The following GAB4 variants were observed in gnomAD, a reference collection of about 807,000 sequenced individuals.
The protein encoded by GAB4 is GRB2-associated-binding protein 4.
In GAB4, 26 loss-of-function variants were observed where a neutral mutation model predicts 51.3. The ratio of observed to expected loss-of-function variants is 0.51; its 90% CI spans 0.37 to 0.70. GAB4 has a LOEUF of 0.70. GAB4 is among the 30% of genes least tolerant of loss of function. The pLI is 0.00. For missense variants in GAB4, 759 were observed against 734.6 expected, an observed-to-expected ratio of 1.03 and a Z score of -0.38; for synonymous variants, 329 against 291.2, an observed-to-expected ratio of 1.13 and a Z score of -1.32.
At chr22:17,005,367 G>A (rs1429452764) in intron 1 of GAB4, among the ~76,000 whole-genome samples, 1 of 152,124 alleles carries the variant, frequency 6.6e-6, no homozygotes, top group Non-Finnish European at 1.5e-5. Flanking sequence ...CAAACAAATG[G>A]AAGAACATTC....
chr22:16,964,342 T>C (rs1433564216), intron 8 of GAB4, among the ~76,000 whole-genome samples: 1 of 152,192 alleles, frequency 6.6e-6, no homozygotes, highest in East Asian at 1.9e-4. Context: ...AACTATCAAA[T>C]GTTGGTCATG....
rs191430521 is a variant in GAB4 at position 16,965,255 on chromosome 22, C to A, written c.1302G>T (p.Pro434=). 2.4e-5 allele frequency: 38 copies of A among 1,613,770 alleles called. No homozygotes were observed. The African/African-American group carries it at 4.9e-4, about 21-fold the overall frequency. The change falls in exon 7 of 10, where the codon CCG becomes CCT. Residue 434 remains proline, a synonymous_variant. Coordinates refer to ENST00000400588, the MANE Select transcript of GAB4 (RefSeq NM_001037814.1). ...TGACCCTGTTGTTTCTCAGGTTGGGCGGTGTTGGGTTGGCTGGAGCAGGAA... is the reference window on the plus strand; with the variant it reads ...TGACCCTGTTGTTTCTCAGGTTGGGAGGTGTTGGGTTGGCTGGAGCAGGAA... ...LKPNQKANPT[P]PNLRNNRVIN...
At chr22:16,986,489 C>T (rs1490543613) in intron 3 of GAB4, among the ~76,000 whole-genome samples, 1 of 152,202 alleles carries the variant, frequency 6.6e-6, no homozygotes, top group Non-Finnish European at 1.5e-5. Context: ...GTGTGTTCTG[C>T]CACCTTACAC....
chr22:16,970,563 C>G (rs1216787675), intron 3 of GAB4, among the ~76,000 whole-genome samples: 3 of 152,158 alleles, frequency 2.0e-5, no homozygotes, highest in Non-Finnish European at 2.9e-5. Flanking sequence ...GAGCAGCAAG[C>G]CAGGTACACT....
intron 1 of GAB4, among the ~76,000 whole-genome samples, chr22:17,004,489 G>A (rs1305661873): frequency 7.2e-5 from 11 of 152,258 alleles, no homozygotes; most frequent in East Asian, 1.9e-4. Flanking sequence ...CGATCAAGTC[G>A]ACTTCATTCC....
intron 3 of GAB4, among the ~76,000 whole-genome samples, chr22:16,980,057 G>A (rs187249157): frequency 4.5e-4 from 68 of 151,966 alleles, no homozygotes; most frequent in African/African-American, 1.4e-3. Flanking sequence ...CACAAAAACC[G>A]TGGAAAAAAA....
rs117010706 is a variant in GAB4, at chr22:16,968,901, C to T, written c.938-518G>A. Among the ~76,000 whole-genome samples, 104 of 152,304 alleles carry T rather than the reference C, an allele frequency of 6.8e-4. 1 individual carries two copies. The East Asian group carries it at 9.3e-3, about 14-fold the overall frequency. On this transcript the variant is annotated intron_variant, in intron 4 of 9. Transcript: ENST00000400588. ...GACCTCAGGGTGAGGCTCATCTTTA[C>T]CACTTATGACTTTCAACCCTGAATA...
chr22:16,992,099 A>T lies in GAB4; in HGVS notation c.252T>A (p.Asn84Lys). ...TGCGCAGGGGCTTCTTGGAGCCATC[A>T]TTCTTGTAGTATTCCAGAACATCTG... The part of the protein sequence containing the change: ...SDPDVLEYYK[N>K]DGSKKPLRTI... The change falls in exon 2 of 10, where the codon AAT (asparagine) becomes AAA (lysine). Residue 84 changes from asparagine to lysine, a missense_variant. By Grantham distance (94) the Asn-to-Lys change is moderately conservative (BLOSUM62 0). Transcript: ENST00000400588. The T allele has an allele frequency of 6.2e-7, 1 of 1,614,236 alleles. No individual in the cohort carries two copies. Among genetic ancestry groups the T allele is most frequent in the Non-Finnish European group, 8.5e-7 (1 of 1,180,032 alleles).
At chr22:16,969,551 C>T in intron 4 of GAB4, 1 of 501,744 alleles carries the variant, frequency 2.0e-6, no homozygotes, top group Non-Finnish European at 3.5e-6. Flanking sequence ...GACTAGCTAA[C>T]CACTGAGAAC....
rs1038178360 is a variant in GAB4 at position 16,992,163 on chromosome 22, C to T, written c.188G>A (p.Arg63His). 6.2e-7 allele frequency: 1 copy of T among 1,608,512 alleles called. No individual in the cohort carries two copies. Among genetic ancestry groups the T allele is most frequent in the Non-Finnish European group, 8.5e-7 (1 of 1,175,782 alleles). The change falls in exon 2 of 10, where the codon CGC becomes CAC. Residue 63 changes from arginine (R) to histidine (H), a missense_variant. Physicochemically the swap from Arg to His is conservative, Grantham distance 29 (BLOSUM62 0). Coordinates refer to ENST00000400588, the MANE Select transcript of GAB4 (RefSeq NM_001037814.1). ...CTGGCCCCTCCGCAGGATAAACCAG[C>T]GTTTCCTCCAGGCCTAAGGAAGGAG... ...KKLRLFAWRK[R>H]WFILRRGQTS...
In GAB4 at chr22:16,965,217, G is replaced by A. The variant is rs1477320900; in HGVS notation, c.1340C>T (p.Ser447Phe). 1 of 1,614,090 alleles carries A rather than the reference G, an allele frequency of 6.2e-7. No individual in the cohort carries two copies. Among genetic ancestry groups the A allele is most frequent in the East Asian group, 2.2e-5 (1 of 44,880 alleles). Residue 447 changes from serine (S) to phenylalanine (F), a missense_variant, in exon 7 of 10, where the codon TCC becomes TTC. Ser to Phe is a radical substitution (Grantham distance 155). Around this residue, in one of 3 missense-constraint regions of GAB4, gnomAD observed 588 missense variants for 510.2 expected, o/e 1.15. Transcript: ENST00000400588. ...GGGCTCTGTGACAGGTGGCTTGAAG[G>A]AGAGCTCATTGATGACCCTGTTGTT... ...LRNNRVINEL[S>F]FKPPVTEPWS...
intron 3 of GAB4, among the ~76,000 whole-genome samples, chr22:16,974,605 G>A (rs527509444): frequency 6.6e-6 from 1 of 152,296 alleles, no homozygotes; most frequent in Non-Finnish European, 1.5e-5. Flanking sequence ...TCAACCCAGA[G>A]CTCTCCCCTG....
At chr22:16,982,880 C>T (rs1432823636) in intron 3 of GAB4, among the ~76,000 whole-genome samples, 1 of 152,164 alleles carries the variant, frequency 6.6e-6, no homozygotes, top group Non-Finnish European at 1.5e-5. Context: ...ACACCAAATT[C>T]TGTGCCAAAG....
At chr22:16,971,138 G>A (rs2060728266) in intron 3 of GAB4, among the ~76,000 whole-genome samples, 1 of 152,178 alleles carries the variant, frequency 6.6e-6, no homozygotes, top group South Asian at 2.1e-4. Context: ...AGGCTGCAGT[G>A]AGCTGAGATC....
intron 3 of GAB4, among the ~76,000 whole-genome samples, chr22:16,981,088 A>G (rs1162846652): frequency 6.6e-6 from 1 of 152,146 alleles, no homozygotes; most frequent in African/African-American, 2.4e-5. Context: ...GCAAACCACT[A>G]TGGTGCGTGT....
rs2060875540 is a variant in GAB4, at chr22:16,987,239, C to A, written c.686+721G>T. Among the ~76,000 whole-genome samples the A allele has an allele frequency of 2.0e-5, 3 of 152,184 alleles. No individual in the cohort carries two copies. In the South Asian group the frequency reaches 6.2e-4, roughly 32 times the overall value. ...TCTGTGTGCCACAGTAGCAACTGAG[C>A]ACCAGCTCTGGCCAAGCCCATCCCC... On this transcript the variant is annotated intron_variant, in intron 3 of 9. Transcript: ENST00000400588.
chr22:16,970,123 C>G lies in GAB4; in HGVS notation c.757G>C (p.Ala253Pro). Residue 253 changes from alanine (A) to proline (P), a missense_variant, in exon 4 of 10, where the codon GCC becomes CCC. Physicochemically the swap from Ala to Pro is conservative, Grantham distance 27. Around this residue, in one of 3 missense-constraint regions of GAB4, gnomAD observed 588 missense variants for 510.2 expected, o/e 1.15. Transcript: ENST00000400588. ...MRRNTAMQNL[A>P]QHSGYSVDGV... ...TCAACACTGTATCCACTGTGCTGGG[C>G]AAGATTTTGCATGGCTGTGTTTCTC... is the stretch of plus-strand genomic sequence containing the variant. The G allele has an allele frequency of 1.2e-6, 2 of 1,614,102 alleles. No homozygotes were observed. The highest frequency in any genetic ancestry group is 2.2e-5 in the South Asian group (2 of 91,082).
At chr22:16,970,263 G>A in intron 3 of GAB4, 70 bp from the exon 4 acceptor site, 5 of 1,555,686 alleles carry the variant, frequency 3.2e-6, no homozygotes, top group Non-Finnish European at 4.4e-6. Flanking sequence ...AGGCAGGCGG[G>A]GAAGTTCACA....
chr22:17,001,466 G>A (rs755519334), intron 1 of GAB4, among the ~76,000 whole-genome samples: 5 of 152,080 alleles, frequency 3.3e-5, no homozygotes, highest in Admixed American at 1.3e-4. Context: ...TGTAGTTCTC[G>A]TGCCATGATT....
Sources: gnomAD v4.1 joint callset for allele counts (sites outside exome capture counted in the v4.1 genomes callset) on GRCh38, gnomAD v4.1.1 for gene constraint, gnomAD v4.1.1 regional missense constraint, MANE v1.5 for transcripts, NCBI Gene and HGNC (gene_info 2026-07-23, HGNC 2026-07-21) for gene names.